The following NEDD4L variants were observed in gnomAD, a reference collection of about 807,000 sequenced individuals.
NEDD4L encodes the protein E3 ubiquitin-protein ligase NEDD4-like.
A neutral mutation model predicts 148.9 loss-of-function variants in NEDD4L; 54 were observed. The ratio of observed to expected loss-of-function variants is 0.36; its 90% CI spans 0.29 to 0.45. NEDD4L has a LOEUF of 0.45. Among genes scored for constraint, NEDD4L ranks in the 20% least tolerant of loss-of-function variants. The pLI is 1.00. For missense variants in NEDD4L, 856 were observed against 1,233.8 expected (o/e 0.69, Z 4.59); for synonymous variants, 433 against 440.7 (o/e 0.98, Z 0.22).
At chr18:58,346,900 C>A (rs1286131572) in intron 16 of NEDD4L, among the ~76,000 whole-genome samples, 1 of 151,858 alleles carries the variant, frequency 6.6e-6, no homozygotes, top group East Asian at 1.9e-4. Context: ...ACTTCATGTG[C>A]CCTGGCAACT....
intron 16 of NEDD4L, among the ~76,000 whole-genome samples, chr18:58,344,952 T>G (rs2145330766): frequency 6.6e-6 from 1 of 152,312 alleles, no homozygotes; most frequent in African/African-American, 2.4e-5. Flanking sequence ...CCCCTAACCT[T>G]TTCACAGCCT....
chr18:58,304,045 C>T (rs1293658344), intron 5 of NEDD4L, among the ~76,000 whole-genome samples: 1 of 151,932 alleles, frequency 6.6e-6, no homozygotes, highest in African/African-American at 2.4e-5. Flanking sequence ...CACCTGCCTC[C>T]CAGGGACGTT....
At chr18:58,054,056 C>A (rs773252354) in intron 1 of NEDD4L, among the ~76,000 whole-genome samples, 4 of 152,140 alleles carry the variant, frequency 2.6e-5, no homozygotes, top group Non-Finnish European at 5.9e-5. Context: ...TGAAGATGTT[C>A]GTGTTGAATG....
chr18:58,063,754 C>T (rs1221732277), intron 1 of NEDD4L, among the ~76,000 whole-genome samples: 3 of 150,640 alleles, frequency 2.0e-5, no homozygotes, highest in Non-Finnish European at 4.4e-5. Context: ...TTTGTAGAGA[C>T]GGGGTTTCAC....
At chr18:58,245,614 A>G in intron 3 of NEDD4L, 106 bp downstream of exon 3, 1 of 555,054 alleles carries the variant, frequency 1.8e-6, no homozygotes, top group Non-Finnish European at 3.3e-6. Flanking sequence ...GACTACTTAC[A>G]CAGTGATAGT....
chr18:58,107,173 T>C (rs1316120555), intron 1 of NEDD4L, among the ~76,000 whole-genome samples: 1 of 152,188 alleles, frequency 6.6e-6, no homozygotes, highest in Non-Finnish European at 1.5e-5. Context: ...GCCCACCCTA[T>C]TGACCTCATC....
chr18:58,120,672 C>T (rs866183428), intron 1 of NEDD4L, among the ~76,000 whole-genome samples: 15 of 151,956 alleles, frequency 9.9e-5, no homozygotes, highest in Admixed American at 1.3e-4. Flanking sequence ...CCCAGCTACT[C>T]GGGAGGTTGA....
In NEDD4L at chr18:58,134,145, C is replaced by T. The variant is rs1323301177; in HGVS notation, c.49-31643C>T. 3.9e-5 allele frequency among the ~76,000 whole-genome samples: 6 copies of T among 152,160 alleles called. No homozygotes were observed. The South Asian group carries it at 8.3e-4, about 21-fold the overall frequency. ...CCTCTTGAGTAGCTGGGACTACAGG[C>T]GCGTGCCACAATGCCCAGCTATTTT... On this transcript the variant is annotated intron_variant, in intron 1 of 30. Transcript: ENST00000400345.
At chr18:58,289,197 T>C (rs1246215993) in intron 5 of NEDD4L, among the ~76,000 whole-genome samples, 1 of 152,238 alleles carries the variant, frequency 6.6e-6, no homozygotes, top group African/African-American at 2.4e-5. Flanking sequence ...GTATACGCTG[T>C]GTACAAATTA....
chr18:58,055,680 G>GA (rs1291317574), intron 1 of NEDD4L, among the ~76,000 whole-genome samples: 1 of 152,122 alleles, frequency 6.6e-6, no homozygotes, highest in African/African-American at 2.4e-5. Flanking sequence ...CTATTTTAAG[G>GA]AAAAAATGAC....
At chr18:58,048,678 G>C (rs1003870520) in intron 1 of NEDD4L, among the ~76,000 whole-genome samples, 2 of 152,156 alleles carry the variant, frequency 1.3e-5, no homozygotes, top group Admixed American at 1.3e-4. Context: ...GGCCCGATTT[G>C]ACCAGGAACC....
Position 58,364,297 on chromosome 18 carries a change from G to C in NEDD4L, c.1797G>C (p.Gln599His). 6.4e-7 allele frequency: 1 copy of C among 1,561,686 alleles called. No individual in the cohort carries two copies. Among genetic ancestry groups the C allele is most frequent in the East Asian group, 2.3e-5 (1 of 42,712 alleles). The change falls in exon 20 of 31, where the codon CAG becomes CAC. Residue 599 changes from glutamine (Q) to histidine (H), a missense_variant. Transcript: ENST00000400345. ...PAVPYSREFK[Q>H]KYDYFRKKLK... ...TCCCTTACTCCAGAGAATTTAAGCA[G>C]AAATATGACTACTTCAGGAAGAAAT...
chr18:58,302,926 T>C (rs952112929), intron 5 of NEDD4L, among the ~76,000 whole-genome samples: 1 of 152,230 alleles, frequency 6.6e-6, no homozygotes, highest in Admixed American at 6.5e-5. Flanking sequence ...GCTTTCCTCA[T>C]CTCTTCTACC....
chr18:58,243,828 A>G (rs1000280433), intron 2 of NEDD4L, among the ~76,000 whole-genome samples: 3 of 151,680 alleles, frequency 2.0e-5, no homozygotes, highest in Non-Finnish European at 2.9e-5. Flanking sequence ...CTTCCAAACC[A>G]TAATGTAAAA....
At chr18:58,135,173 G>C (rs992459464) in intron 1 of NEDD4L, among the ~76,000 whole-genome samples, 1 of 152,084 alleles carries the variant, frequency 6.6e-6, no homozygotes, top group African/African-American at 2.4e-5. Context: ...CTGTCCAGTG[G>C]AAGTCCTGAA....
intron 1 of NEDD4L, among the ~76,000 whole-genome samples, chr18:58,084,630 A>G (rs1479378445): frequency 1.3e-5 from 2 of 151,486 alleles, no homozygotes; most frequent in African/African-American, 4.9e-5. Flanking sequence ...TGGCTTGCAG[A>G]TGGCCACCTG....
intron 24 of NEDD4L, among the ~76,000 whole-genome samples, chr18:58,375,766 C>G (rs2047486840): frequency 6.6e-6 from 1 of 152,082 alleles, no homozygotes; most frequent in Non-Finnish European, 1.5e-5. Context: ...GCTCATTGAG[C>G]AAACGAATGA....
At chr18:58,235,779 TG>T (rs1388401734) in intron 2 of NEDD4L, among the ~76,000 whole-genome samples, 1 of 152,184 alleles carries the variant, frequency 6.6e-6, no homozygotes, top group Non-Finnish European at 1.5e-5. Context: ...TGTGTCTCTG[TG>T]GGTGTTTTCT....
intron 5 of NEDD4L, chr18:58,255,844 G>T: frequency 6.5e-6 from 8 of 1,232,536 alleles, no homozygotes; most frequent in Non-Finnish European, 7.1e-6. Flanking sequence ...CGCTTAAGCG[G>T]AGCTCGTCCA....
Sources: gnomAD v4.1 joint callset for allele counts (sites outside exome capture counted in the v4.1 genomes callset) on GRCh38, gnomAD v4.1.1 for gene constraint, MANE v1.5 for transcripts, NCBI Gene and HGNC (gene_info 2026-07-23, HGNC 2026-07-21) for gene names.